The following FER1L6 variants were observed in gnomAD, a reference collection of about 807,000 sequenced individuals.
FER1L6 encodes fer-1 like family member 6.
A neutral mutation model predicts 219.2 loss-of-function variants in FER1L6; 177 were observed. The observed-to-expected ratio is 0.81, with a 90% CI of 0.71 to 0.91. FER1L6 has a LOEUF of 0.91. Ranked by LOEUF, FER1L6 falls within the 40% of genes least tolerant of loss-of-function variation. The probability of loss-of-function intolerance (pLI) is 0.00; values close to 1 mark genes in which losing one functional copy is unlikely to be tolerated. For missense variants in FER1L6, 2,153 were observed against 2,259.9 expected, an observed-to-expected ratio of 0.95 and a Z score of 0.96; for synonymous variants, 768 against 824.3, an observed-to-expected ratio of 0.93 and a Z score of 1.17.
chr8:124,094,139 G>T (rs1822172964), intron 34 of FER1L6, among the ~76,000 whole-genome samples: 1 of 152,168 alleles, frequency 6.6e-6, no homozygotes, highest in Admixed American at 6.5e-5. Context: ...ACCGTGAGAA[G>T]ACAAAAGACG....
At chr8:123,960,039 C>T (rs559954310) in intron 2 of FER1L6, among the ~76,000 whole-genome samples, 1 of 152,244 alleles carries the variant, frequency 6.6e-6, no homozygotes, top group South Asian at 2.1e-4. Context: ...GAACATCTAC[C>T]ATGGACCCTG....
intron 1 of FER1L6, among the ~76,000 whole-genome samples, chr8:123,916,367 T>C (rs1220444243): frequency 6.6e-6 from 1 of 152,226 alleles, no homozygotes; most frequent in African/African-American, 2.4e-5. Context: ...GGCTCATGAC[T>C]AGCACTGATC....
intron 18 of FER1L6, among the ~76,000 whole-genome samples, chr8:124,029,684 A>G (rs1286604589): frequency 1.3e-5 from 2 of 152,302 alleles, no homozygotes; most frequent in East Asian, 3.9e-4. Context: ...AGATGGGTAG[A>G]ATGCAAAAAT....
At chr8:123,948,287 A>G (rs1224576859) in intron 1 of FER1L6, among the ~76,000 whole-genome samples, 3 of 152,252 alleles carry the variant, frequency 2.0e-5, no homozygotes, top group Non-Finnish European at 4.4e-5. Context: ...TCTCAAAGCC[A>G]GGGCTTTCAA....
intron 1 of FER1L6, among the ~76,000 whole-genome samples, chr8:123,951,489 A>G (rs1047469821): frequency 1.4e-4 from 21 of 152,320 alleles, no homozygotes; most frequent in Admixed American, 7.8e-4. Flanking sequence ...TTCTATGTGT[A>G]GTGGTTTGCC....
At chr8:123,935,943 A>C (rs1373332987) in intron 1 of FER1L6, among the ~76,000 whole-genome samples, 1 of 83,486 alleles carries the variant, frequency 1.2e-5, no homozygotes, top group Non-Finnish European at 2.4e-5. Context: ...CGAACTGGCT[A>C]ATGCAAAAAA....
intron 34 of FER1L6, among the ~76,000 whole-genome samples, chr8:124,093,550 T>C (rs1232094023): frequency 6.6e-6 from 1 of 152,108 alleles, no homozygotes; most frequent in African/African-American, 2.4e-5. Context: ...AGATAGGACA[T>C]TAATGATATA....
rs151042428 is a variant in FER1L6 at position 123,911,041 on chromosome 8, T to G, written c.-7-44951T>G. Among the ~76,000 whole-genome samples, 428 of 152,264 alleles carry G rather than the reference T, an allele frequency of 2.8e-3. 5 individuals carry two copies. Among genetic ancestry groups the G allele is most frequent in the African/African-American group, 9.9e-3 (413 of 41,546 alleles). ...AAAAATGGAGCTGTAAAGGTGATGG[T>G]TATCATGACAGTGACGATTATGATG... On this transcript the variant is annotated intron_variant, in intron 1 of 40. Transcript: ENST00000522917.
At chr8:124,119,497 C>A (rs1448538402) in intron 40 of FER1L6, 110 bp from the exon 41 acceptor site, 3 of 720,204 alleles carry the variant, frequency 4.2e-6, no homozygotes, top group Non-Finnish European at 7.3e-6. Flanking sequence ...TTTCAGGGCT[C>A]TCCCTATGGG....
At chr8:123,980,429 A>G in intron 10 of FER1L6, 36 bp from the exon 11 acceptor site, 1 of 1,511,600 alleles carries the variant, frequency 6.6e-7, no homozygotes. Flanking sequence ...TAAAGCAAAA[A>G]CATAATGAGA....
chr8:124,010,581 A>G lies in FER1L6; in HGVS notation c.1701-13A>G. ...GATTACCAGCTAACTTCCAGACCTAATTGTTTTCACAGGAATTACAACTAT... is the reference window on the plus strand; with the variant it reads ...GATTACCAGCTAACTTCCAGACCTAGTTGTTTTCACAGGAATTACAACTAT... On this transcript the variant is annotated splice_polypyrimidine_tract_variant and intron_variant, in intron 13 of 40. Transcript: ENST00000522917. 1 of 1,613,358 alleles carries G rather than the reference A, an allele frequency of 6.2e-7. No individual in the cohort carries two copies. The highest frequency in any genetic ancestry group is 8.5e-7 in the Non-Finnish European group (1 of 1,179,728).
chr8:123,939,030 A>G (rs1227836129), intron 1 of FER1L6: 5 of 387,788 alleles, frequency 1.3e-5, no homozygotes, highest in African/African-American at 8.7e-5. Flanking sequence ...ATTGCATTGC[A>G]CATTCATCTG....
intron 1 of FER1L6, among the ~76,000 whole-genome samples, chr8:123,861,803 G>T (rs1816750306): frequency 7.0e-6 from 1 of 143,844 alleles, no homozygotes; most frequent in African/African-American, 2.7e-5. Context: ...GTATAGGAAT[G>T]CTTGTGATTT....
intron 1 of FER1L6, among the ~76,000 whole-genome samples, chr8:123,929,725 T>C (rs1813697294): frequency 6.6e-6 from 1 of 152,162 alleles, no homozygotes; most frequent in South Asian, 2.1e-4. Context: ...GGGTACATCT[T>C]TGGCATGAGG....
At chr8:123,988,974 G>A (rs567107684) in intron 12 of FER1L6, among the ~76,000 whole-genome samples, 51 of 152,058 alleles carry the variant, frequency 3.4e-4, no homozygotes, top group African/African-American at 5.1e-4. Context: ...GTCATATATC[G>A]CTTTTATTGT....
At chr8:123,871,476 C>T (rs1004540167) in intron 1 of FER1L6, among the ~76,000 whole-genome samples, 1 of 152,118 alleles carries the variant, frequency 6.6e-6, no homozygotes, top group Non-Finnish European at 1.5e-5. Context: ...TCCCCTCCCC[C>T]ACACATAATG....
chr8:124,070,628 G>A (rs761962450), intron 30 of FER1L6, 30 bp downstream of exon 30: 1 of 1,540,816 alleles, frequency 6.5e-7, no homozygotes, highest in Non-Finnish European at 8.7e-7. Flanking sequence ...CTTTTATTTG[G>A]CTCTCCCTGT....
intron 39 of FER1L6, among the ~76,000 whole-genome samples, chr8:124,104,432 G>A (rs1488867145): frequency 1.3e-5 from 2 of 152,226 alleles, no homozygotes; most frequent in Admixed American, 6.5e-5. Flanking sequence ...GGAAGGAATG[G>A]AGAGGTGGGA....
chr8:124,077,122 A>G (rs1175088481), intron 32 of FER1L6, among the ~76,000 whole-genome samples: 1 of 152,168 alleles, frequency 6.6e-6, no homozygotes, highest in Non-Finnish European at 1.5e-5. Context: ...TACCAGCTCT[A>G]CAACCTTATG....
Sources: allele counts gnomAD v4.1 joint callset (sites outside exome capture counted in the v4.1 genomes callset), GRCh38; gene constraint gnomAD v4.1.1; transcripts MANE v1.5; gene names NCBI Gene and HGNC (gene_info 2026-07-23, HGNC 2026-07-21).